Variants in KIAA1671 observed in about 807,000 individuals in gnomAD.
KIAA1671 encodes KIAA1671.
Under a neutral mutation model 131.2 loss-of-function variants are expected in KIAA1671, and 52 were observed. The observed-to-expected ratio is 0.40, with a 90% CI of 0.32 to 0.50. The LOEUF (loss-of-function observed/expected upper bound fraction) is 0.50, where lower values mean the gene tolerates loss of function less well. KIAA1671 is among the 20% of genes least tolerant of loss of function. The probability of loss-of-function intolerance (pLI) is 0.73; values close to 1 mark genes in which losing one functional copy is unlikely to be tolerated. For missense variants in KIAA1671, 2,360 were observed against 2,364.2 expected, an observed-to-expected ratio of 1.00 and a Z score of 0.04; for synonymous variants, 1,003 against 961.6, an observed-to-expected ratio of 1.04 and a Z score of -0.80.
chr22:25,032,823 T>C (rs1926365787), intron 4 of KIAA1671, 127 bp downstream of exon 4: 2 of 509,896 alleles, frequency 3.9e-6, no homozygotes, highest in East Asian at 5.9e-5. Flanking sequence ...CGATAAAACA[T>C]TTTTTCTTCT....
chr22:25,178,171 C>T (rs1280448242), intron 9 of KIAA1671, among the ~76,000 whole-genome samples: 4 of 152,284 alleles, frequency 2.6e-5, no homozygotes, highest in Non-Finnish European at 4.4e-5. Flanking sequence ...CCCCCACCGC[C>T]GTCCTCCAGC....
chr22:25,002,329 TG>T (rs1043069081), intron 1 of KIAA1671, among the ~76,000 whole-genome samples: 45 of 152,236 alleles, frequency 3.0e-4, no homozygotes, highest in African/African-American at 7.9e-4. Context: ...AATGGCTTTT[TG>T]GGGAGCTGAC....
At chr22:25,155,872 C>T (rs1468561715) in intron 6 of KIAA1671, among the ~76,000 whole-genome samples, 2 of 150,094 alleles carry the variant, frequency 1.3e-5, no homozygotes, top group South Asian at 2.1e-4. Context: ...TGTATGTATG[C>T]ACCTGTACTT....
At chr22:25,065,623 T>A (rs575838019) in intron 6 of KIAA1671, among the ~76,000 whole-genome samples, 164 of 152,006 alleles carry the variant, frequency 1.1e-3, no homozygotes, top group Non-Finnish European at 1.5e-3. Context: ...CAACTTTTTT[T>A]AAAGAATTAT....
rs143026347 is a variant in KIAA1671, at chr22:25,146,526, T to C, written c.4531-24294T>C. Among the ~76,000 whole-genome samples, 34 of 152,264 alleles carry C rather than the reference T, an allele frequency of 2.2e-4. No homozygotes were observed. The East Asian group carries it at 6.4e-3, about 29-fold the overall frequency. ...TGCCAAGTTGTTACCATGGGAGATA[T>C]GTAGAATATGTGGGGGCAAGGAAAG... On this transcript the variant is annotated intron_variant, in intron 6 of 12. Transcript: ENST00000358431.
intron 1 of KIAA1671, among the ~76,000 whole-genome samples, chr22:25,016,892 G>C (rs1925353882): frequency 6.6e-6 from 1 of 152,216 alleles, no homozygotes; most frequent in South Asian, 2.1e-4. Context: ...TGAAGCAGCA[G>C]CATACAGCAG....
intron 6 of KIAA1671, among the ~76,000 whole-genome samples, chr22:25,127,222 G>T (rs903893002): frequency 6.6e-6 from 1 of 152,208 alleles, no homozygotes; most frequent in Non-Finnish European, 1.5e-5. Context: ...TAGGTGCTCA[G>T]TAGCTTCACT....
At chr22:25,097,111 C>T (rs935563296) in intron 6 of KIAA1671, among the ~76,000 whole-genome samples, 9 of 152,174 alleles carry the variant, frequency 5.9e-5, no homozygotes, top group Non-Finnish European at 1.2e-4. Flanking sequence ...CAAATGCTCT[C>T]GTTTCTCTTG....
At chr22:25,146,268 A>C (rs1207794492) in intron 6 of KIAA1671, among the ~76,000 whole-genome samples, 1 of 152,156 alleles carries the variant, frequency 6.6e-6, no homozygotes, top group East Asian at 1.9e-4. Context: ...CCAAGACCCA[A>C]CCCAGGTCTG....
Position 25,029,032 on chromosome 22 carries a change from C to G in KIAA1671, c.1033C>G (p.Leu345Val). The G allele has an allele frequency of 6.6e-7, 1 of 1,505,854 alleles. No homozygotes were observed. The highest frequency in any genetic ancestry group is 8.9e-7 in the Non-Finnish European group (1 of 1,126,568). The allele number at this position is 1,505,854 out of a possible 1,614,324, so 93.3% of individuals were successfully genotyped here. A position where few individuals can be genotyped will look rare whatever the true frequency, so the allele number is the denominator to read the frequency against. ...TCTTCATGATCCTGATTTGGACTTC[C>G]TGGAGGTGGCCAAGAAAATCCGTGA... is the stretch of plus-strand genomic sequence containing the variant. ...APLHDPDLDF[L>V]EVAKKIRERK... The change falls in exon 3 of 13, where the codon CTG becomes GTG. Residue 345 changes from leucine to valine, a missense_variant. Transcript: ENST00000358431.
chr22:25,059,873 T>G (rs1928063574), intron 6 of KIAA1671: 1 of 152,090 alleles, frequency 6.6e-6, no homozygotes, highest in Admixed American at 6.6e-5. Context: ...AGAATTTAGT[T>G]GGGGGCAGAA....
Position 25,112,408 on chromosome 22 carries a change from A to G in KIAA1671, c.4531-58412A>G, listed in dbSNP as rs9608369. Reference sequence around the variant, plus strand: ...TCCGCCGCTTCTCTGCTCGCAGCCAACAGAGATTTTCTTCACTGAGGAAAA... The same window carrying G: ...TCCGCCGCTTCTCTGCTCGCAGCCAGCAGAGATTTTCTTCACTGAGGAAAA... On this transcript the variant is annotated intron_variant, in intron 6 of 12. Transcript: ENST00000358431. 7.9e-3 allele frequency: 3,172 copies of G among 399,078 alleles called. 19 individuals carry two copies. The highest frequency in any genetic ancestry group is 0.024 in the South Asian group (191 of 7,860). 24.7% of individuals were successfully genotyped at this position (399,078 alleles called of 1,614,324 possible).
At chr22:25,087,352 A>G (rs1280803391) in intron 6 of KIAA1671, among the ~76,000 whole-genome samples, 2 of 152,130 alleles carry the variant, frequency 1.3e-5, no homozygotes, top group Non-Finnish European at 2.9e-5. Flanking sequence ...CGGGAGGCCG[A>G]GGTGGTGGAT....
chr22:24,987,353 A>G (rs1262840040), intron 1 of KIAA1671, among the ~76,000 whole-genome samples: 1 of 151,576 alleles, frequency 6.6e-6, no homozygotes, highest in Admixed American at 6.6e-5. Context: ...TGTATTTTTC[A>G]GTAGAGACGG....
chr22:25,141,208 T>G (rs1317830522), intron 6 of KIAA1671, among the ~76,000 whole-genome samples: 4 of 152,106 alleles, frequency 2.6e-5, no homozygotes, highest in Non-Finnish European at 5.9e-5. Context: ...TTCTCTTCAG[T>G]GGTGAGATTG....
At position 25,032,708 on chromosome 22, in the gene KIAA1671, C is replaced by T; in HGVS notation, c.1629+12C>T. On this transcript the variant is annotated intron_variant, in intron 4 of 12. Coordinates refer to ENST00000358431, the MANE Select transcript of KIAA1671 (RefSeq NM_001145206.2). The stretch of plus-strand genomic sequence containing the variant: ...AACCGAGAGAAAAGGTAAGGAGTGG[C>T]TGTGTAGCACGTCTCTCATTAACCA... 2 of 1,506,236 alleles carry T rather than the reference C, an allele frequency of 1.3e-6. No individual in the cohort carries two copies. Among genetic ancestry groups the T allele is most frequent in the South Asian group, 1.2e-5 (1 of 81,432 alleles). 93.3% of individuals were successfully genotyped at this position (1,506,236 alleles called of 1,614,324 possible).
intron 6 of KIAA1671, among the ~76,000 whole-genome samples, chr22:25,078,189 C>G (rs1254211973): frequency 6.6e-6 from 1 of 152,198 alleles, no homozygotes; most frequent in African/African-American, 2.4e-5. Context: ...CCACTGAACT[C>G]TCAGCCCTTG....
chr22:24,968,884 T>G (rs1922447739), intron 1 of KIAA1671, among the ~76,000 whole-genome samples: 1 of 152,096 alleles, frequency 6.6e-6, no homozygotes, highest in Non-Finnish European at 1.5e-5. Flanking sequence ...ATTGTTTTAT[T>G]GTTTTGTTTT....
Position 25,134,736 on chromosome 22 carries a change from G to A in KIAA1671, c.4531-36084G>A, listed in dbSNP as rs76720777. 3.3e-3 allele frequency among the ~76,000 whole-genome samples: 503 copies of A among 152,278 alleles called. 2 individuals are homozygous for A. Among genetic ancestry groups the A allele is most frequent in the African/African-American group, 0.011 (472 of 41,546 alleles). On this transcript the variant is annotated intron_variant, in intron 6 of 12. Transcript: ENST00000358431. ...CAGCTTTGCAAAGCTGGGAGGCCTA[G>A]TGGTTTCAAGGCTTGGATTGAGACA...
Sources: allele counts gnomAD v4.1 joint callset (sites outside exome capture counted in the v4.1 genomes callset), GRCh38; gene constraint gnomAD v4.1.1; transcripts MANE v1.5; gene names NCBI Gene and HGNC (gene_info 2026-07-23, HGNC 2026-07-21).